CLUH: variants seen among roughly 807,000 people sequenced by gnomAD.
CLUH encodes clustered mitochondria protein homolog.
In CLUH, 77 loss-of-function variants were observed where a neutral mutation model predicts 139.3. The observed-to-expected ratio is 0.55, with a 90% CI of 0.46 to 0.67. The LOEUF (loss-of-function observed/expected upper bound fraction) is 0.67. Among genes scored for constraint, CLUH ranks in the 30% least tolerant of loss-of-function variants. The pLI is 0.00. For synonymous variants in CLUH, 999 were observed against 801.6 expected, an observed-to-expected ratio of 1.25 and a Z score of -4.16; for missense variants, 1,876 against 1,875.8, an observed-to-expected ratio of 1.00 and a Z score of 0.00.
chr17:2,695,563 C>T, intron 13 of CLUH, 37 bp from the exon 14 acceptor site: 1 of 1,546,824 alleles, frequency 6.5e-7, no homozygotes. Context: ...CACCCAGCTC[C>T]TCTGCCTCCA....
chr17:2,690,621 C>T lies in CLUH; in HGVS notation c.4020G>A (p.Lys1340=), dbSNP rs764004656. 6.0e-6 allele frequency: 9 copies of T among 1,503,636 alleles called. No homozygotes were observed. Among genetic ancestry groups the T allele is most frequent in the Non-Finnish European group, 7.1e-6 (8 of 1,132,352 alleles). The allele number at this position is 1,503,636 out of a possible 1,614,324, so 93.1% of individuals were successfully genotyped here. The change falls in exon 26 of 26, where the codon AAG becomes AAA. Residue 1340 remains lysine, a synonymous_variant. Transcript: ENST00000651024. Reference sequence around the variant, plus strand: ...ATCCCTGCACGCTCGGAGAAGGGTCCTTGGCAGCCGGGGGCTGGGAGCCCA... The same window carrying T: ...ATCCCTGCACGCTCGGAGAAGGGTCTTTGGCAGCCGGGGGCTGGGAGCCCA... The part of the protein sequence containing the change: ...GDLGSQPPAA[K]DPSPSVQG
intron 21 of CLUH, 36 bp downstream of exon 21, chr17:2,692,535 G>A (rs1428247147): frequency 2.5e-6 from 4 of 1,601,734 alleles, no homozygotes; most frequent in South Asian, 2.2e-5. Context: ...CTGGGATGGA[G>A]CTGGGTCCCT....
rs567267124 is a variant in CLUH at position 2,691,794 on chromosome 17, G to A, written c.3756C>T (p.Arg1252=). ...ALQRTMNEIY[R]NGSSANIPPL... is the part of the protein sequence containing the mutation. ...GCGGGATGTTGGCGCTGGAGCCGTTGCGGTAGATCTCGTTCATGGTGCGCT... is the reference window on the plus strand; with the variant it reads ...GCGGGATGTTGGCGCTGGAGCCGTTACGGTAGATCTCGTTCATGGTGCGCT... The change falls in exon 24 of 26, where the codon CGC becomes CGT. Residue 1252 remains arginine, a synonymous_variant. Coordinates refer to ENST00000651024, the MANE Select transcript of CLUH (RefSeq NM_001366661.1). 30 of 1,589,246 alleles carry A rather than the reference G, an allele frequency of 1.9e-5. No individual in the cohort carries two copies. Among genetic ancestry groups the A allele is most frequent in the African/African-American group, 9.4e-5 (7 of 74,530 alleles).
rs763073740 is a variant in CLUH, at chr17:2,692,120, G to A, written c.3561-23C>T. 5.1e-6 allele frequency: 8 copies of A among 1,578,846 alleles called. No homozygotes were observed. In the African/African-American group the frequency reaches 8.1e-5, roughly 16 times the overall value. ...TGGCTGCCGGGAGGCGCGGCGCGGG[G>A]CGAGGGAAGGGCATAAGTGGGCTGG... On this transcript the variant is annotated intron_variant, in intron 22 of 25. Transcript: ENST00000651024.
In CLUH at chr17:2,696,262, G is replaced by A; in HGVS notation, c.2291-3C>T. On this transcript the variant is annotated splice_region_variant and splice_polypyrimidine_tract_variant and intron_variant, in intron 12 of 25. Transcript: ENST00000651024. Reference sequence around the variant, plus strand: ...GCAGGACTCAGGGAAACGAACCCCTGGAGGAGGGAGAGCAGAGAGGCTGAG... The same window carrying A: ...GCAGGACTCAGGGAAACGAACCCCTAGAGGAGGGAGAGCAGAGAGGCTGAG... The A allele has an allele frequency of 2.6e-6, 4 of 1,568,492 alleles. No individual in the cohort carries two copies. The highest frequency in any genetic ancestry group is 8.6e-7 in the Non-Finnish European group (1 of 1,157,090).
chr17:2,702,313 A>G (rs141333814), intron 3 of CLUH, among the ~76,000 whole-genome samples: 24 of 152,314 alleles, frequency 1.6e-4, no homozygotes, highest in African/African-American at 4.6e-4. Flanking sequence ...ATGCCTCTGA[A>G]GCACACACAG....
intron 9 of CLUH, among the ~76,000 whole-genome samples, chr17:2,700,054 T>C (rs551143679): frequency 3.9e-4 from 60 of 152,360 alleles, no homozygotes; most frequent in African/African-American, 1.3e-3. Context: ...AGAAGGGCCA[T>C]GGCCGGCCAG....
rs774740858 is a variant in CLUH, at chr17:2,703,403, G to A, written c.390C>T (p.His130=). The change falls in exon 3 of 26, where the codon CAC becomes CAT. Residue 130 remains histidine (H), a synonymous_variant. Coordinates refer to ENST00000651024, the MANE Select transcript of CLUH (RefSeq NM_001366661.1). The surrounding 1 kb of genome is among the most constrained non-coding windows in gnomAD (Gnocchi z 4.2). ...AGTGGTCCAGCACGTTGCCATCCAG[G>A]TGCAGTGAGAAGCAGGTGCGGTGAC... is the stretch of plus-strand genomic sequence containing the variant. The part of the protein sequence containing the change: ...DTCHRTCFSL[H]LDGNVLDHFS... 1.2e-6 allele frequency: 2 copies of A among 1,613,586 alleles called. No homozygotes were observed. Among genetic ancestry groups the A allele is most frequent in the East Asian group, 2.2e-5 (1 of 44,872 alleles).
rs373602317 is a variant in CLUH, at chr17:2,696,506, C to T, written c.2218G>A (p.Ala740Thr). 1.0e-5 allele frequency: 16 copies of T among 1,586,074 alleles called. No individual in the cohort carries two copies. The highest frequency in any genetic ancestry group is 1.2e-5 in the Non-Finnish European group (14 of 1,169,072). The change falls in exon 12 of 26, where the codon GCG (alanine) becomes ACG (threonine). Residue 740 changes from alanine to threonine, a missense_variant. Ala to Thr is a moderately conservative substitution (Grantham distance 58, BLOSUM62 0). Coordinates refer to ENST00000651024, the MANE Select transcript of CLUH (RefSeq NM_001366661.1). ...CTGATGGAGCCGACCGCCTTGCACG[C>T]GTTGCGGATCACCTCCCGGCTCCGA... ...DPRSREVIRNACKAVGSISST... is the reference protein window; with the variant it reads ...DPRSREVIRNTCKAVGSISST...
chr17:2,691,478 C>CT, intron 25 of CLUH, 131 bp downstream of exon 25: 4 of 889,534 alleles, frequency 4.5e-6, no homozygotes, highest in Middle Eastern at 3.3e-4. Flanking sequence ...AGGAGAATCG[C>CT]TGAACCCGGG....
Position 2,690,720 on chromosome 17 carries a change from C to A in CLUH, c.3921G>T (p.Glu1307Asp). The A allele has an allele frequency of 6.4e-7, 1 of 1,558,306 alleles. No individual in the cohort carries two copies. Among genetic ancestry groups the A allele is most frequent in the South Asian group, 1.2e-5 (1 of 83,744 alleles). ...AEVARRHQLQ[E>D]ASRNRDRAEE... ...CGGCTCTATCCCTGTTTCTGCTGGC[C>A]TCCTGGAGCTGGTGCCGCCGCGCCA... Residue 1307 changes from glutamate to aspartate, a missense_variant, in exon 26 of 26, where the codon GAG becomes GAT. By Grantham distance (45) the Glu-to-Asp change is conservative (BLOSUM62 2). Coordinates refer to ENST00000651024, the MANE Select transcript of CLUH (RefSeq NM_001366661.1).
chr17:2,695,960 C>T, intron 13 of CLUH, 199 bp downstream of exon 13: 1 of 598,402 alleles, frequency 1.7e-6, no homozygotes, highest in South Asian at 2.0e-5. Context: ...GCTGCCAGCC[C>T]ACACGGTGGG....
Position 2,695,414 on chromosome 17 carries a change from A to ACCAGCT in CLUH, c.2498_2503dup (p.Glu833_Leu834dup). 1 of 1,612,696 alleles carries ACCAGCT rather than the reference A, an allele frequency of 6.2e-7. No homozygotes were observed. The highest frequency in any genetic ancestry group is 8.5e-7 in the Non-Finnish European group (1 of 1,179,754). On this transcript the variant is annotated inframe_insertion, in exon 14 of 26. Coordinates refer to ENST00000651024, the MANE Select transcript of CLUH (RefSeq NM_001366661.1). ...CTGGTGGCGGGCCGGGCTCCGCAGC[A>ACCAGCT]CCAGCTCCAGCACCTTGCCCAGGTA...
In CLUH at chr17:2,703,922, C is replaced by A. The variant is rs756586378; in HGVS notation, c.304-433G>T. ...AGCCTGCGGGTGCCGAGACATACGA[C>A]GACCCTGTCTCGTTCCCCACTGAGT... is the stretch of plus-strand genomic sequence containing the variant. On this transcript the variant is annotated intron_variant, in intron 2 of 25. Coordinates refer to ENST00000651024, the MANE Select transcript of CLUH (RefSeq NM_001366661.1). The surrounding 1 kb of genome is among the most constrained non-coding windows in gnomAD (Gnocchi z 4.2). 6.6e-6 allele frequency among the ~76,000 whole-genome samples: 1 copy of A among 152,168 alleles called. No homozygotes were observed.
chr17:2,695,311 A>G (rs1184268495), intron 14 of CLUH, 31 bp from the exon 15 acceptor site: 1 of 1,613,568 alleles, frequency 6.2e-7, no homozygotes, highest in Non-Finnish European at 8.5e-7. Flanking sequence ...GGTCTTGGTC[A>G]GGCCCCCGGC....
At position 2,704,603 on chromosome 17, in the gene CLUH, G is replaced by A. The variant is rs1238216493; in HGVS notation, c.101-39C>T. The A allele has an allele frequency of 4.0e-6, 6 of 1,509,962 alleles. No individual in the cohort carries two copies. The highest frequency in any genetic ancestry group is 4.4e-6 in the Non-Finnish European group (5 of 1,125,886). The allele number at this position is 1,509,962 out of a possible 1,614,324, so 93.5% of individuals were successfully genotyped here. A position where few individuals can be genotyped will look rare whatever the true frequency, so the allele number is the denominator to read the frequency against. ...GAACGGGTCAGAATCAGGCAGCCTC[G>A]CTGGTCGGCGGGGCTGTCCGCCTGA... On this transcript the variant is annotated intron_variant, in intron 1 of 25. Transcript: ENST00000651024. The surrounding 1 kb of genome is among the most constrained non-coding windows in gnomAD (Gnocchi z 5.7).
rs894349248 is a variant in CLUH, at chr17:2,708,038, C to A, written c.101-3474G>T. 60 of 980,622 alleles carry A rather than the reference C, an allele frequency of 6.1e-5. No individual in the cohort carries two copies. The South Asian group carries it at 2.3e-3, about 38-fold the overall frequency. The allele number at this position is 980,622 out of a possible 1,614,324, so 60.7% of individuals were successfully genotyped here. On this transcript the variant is annotated intron_variant, in intron 1 of 25. Coordinates refer to ENST00000651024, the MANE Select transcript of CLUH (RefSeq NM_001366661.1). The stretch of plus-strand genomic sequence containing the variant: ...GAACCAAGTCTCTCCCAGGGGAGAA[C>A]AGAGCTGGCAGCAAGAGGCCAGTGG...
chr17:2,704,675 C>A lies in CLUH; in HGVS notation c.101-111G>T. 9.5e-7 allele frequency: 1 copy of A among 1,054,668 alleles called. No homozygotes were observed. Among genetic ancestry groups the A allele is most frequent in the South Asian group, 1.6e-5 (1 of 62,828 alleles). 65.3% of individuals were successfully genotyped at this position (1,054,668 alleles called of 1,614,324 possible). On this transcript the variant is annotated intron_variant, in intron 1 of 25. Coordinates refer to ENST00000651024, the MANE Select transcript of CLUH (RefSeq NM_001366661.1). This position sits in a 1 kb window ranked among gnomAD's most constrained non-coding sequence, Gnocchi z 5.7. Reference sequence around the variant, plus strand: ...TTCTGGAAAGGCATCTGCATGCCCTCGAGAGTCCCAGCCTCACGGTCGCGC... The same window carrying A: ...TTCTGGAAAGGCATCTGCATGCCCTAGAGAGTCCCAGCCTCACGGTCGCGC...
chr17:2,694,374 G>A, intron 17 of CLUH, 98 bp from the exon 18 acceptor site: 3 of 1,521,320 alleles, frequency 2.0e-6, no homozygotes, highest in Non-Finnish European at 8.9e-7. Context: ...CGGCTACCGT[G>A]AAAAAGCCAC....
Sources: gnomAD v4.1 joint callset for allele counts (sites outside exome capture counted in the v4.1 genomes callset) on GRCh38, gnomAD v4.1.1 for gene constraint, Gnocchi (gnomAD v3.1) non-coding constraint, MANE v1.5 for transcripts, NCBI Gene and HGNC (gene_info 2026-07-23, HGNC 2026-07-21) for gene names.